The following SETD3 variants were observed in gnomAD, a reference collection of about 807,000 sequenced individuals.
SETD3 encodes the protein actin-histidine N-methyltransferase.
A neutral mutation model predicts 63.0 loss-of-function variants in SETD3; 19 were observed. The observed-to-expected ratio is 0.30, with a 90% CI of 0.21 to 0.44. The LOEUF (loss-of-function observed/expected upper bound fraction) is 0.44. Ranked by LOEUF, SETD3 falls within the 20% of genes least tolerant of loss-of-function variation. The pLI is 1.00. For synonymous variants in SETD3, 286 were observed against 264.1 expected, an observed-to-expected ratio of 1.08 and a Z score of -0.80; for missense variants, 587 against 728.5, an observed-to-expected ratio of 0.81 and a Z score of 2.24.
At chr14:99,433,351 AAC>A (rs764885059) in intron 6 of SETD3, among the ~76,000 whole-genome samples, 4 of 152,284 alleles carry the variant, frequency 2.6e-5, no homozygotes, top group East Asian at 1.9e-4. Context: ...AACTTATAAA[AAC>A]AGTGTAAAAT....
intron 6 of SETD3, among the ~76,000 whole-genome samples, chr14:99,429,867 G>C (rs963410691): frequency 1.3e-5 from 2 of 152,168 alleles, no homozygotes; most frequent in African/African-American, 4.8e-5. Flanking sequence ...ATATGCTTAA[G>C]GATTTATTTT....
intron 6 of SETD3, among the ~76,000 whole-genome samples, chr14:99,430,729 G>A (rs558730196): frequency 6.6e-6 from 1 of 152,180 alleles, no homozygotes; most frequent in Non-Finnish European, 1.5e-5. Flanking sequence ...ACTGAACCTG[G>A]CACTGCTGAG....
chr14:99,406,155 A>G (rs749637783), intron 9 of SETD3, among the ~76,000 whole-genome samples: 2 of 152,220 alleles, frequency 1.3e-5, no homozygotes, highest in Non-Finnish European at 2.9e-5. Context: ...AGTTCTAATC[A>G]GTAGAAAAAA....
chr14:99,425,343 GGCGCAT>G (rs1169718545), intron 6 of SETD3, among the ~76,000 whole-genome samples: 1 of 152,228 alleles, frequency 6.6e-6, no homozygotes, highest in Non-Finnish European at 1.5e-5. Context: ...CAAGGGGTTA[GGCGCAT>G]GCAAGAACAC....
intron 11 of SETD3, among the ~76,000 whole-genome samples, chr14:99,401,404 G>A (rs1891381064): frequency 6.6e-6 from 1 of 152,186 alleles, no homozygotes; most frequent in African/African-American, 2.4e-5. Flanking sequence ...GTCTCTTTCA[G>A]AGCAAAATGC....
At position 99,468,781 on chromosome 14, in the gene SETD3, ATTCC is replaced by A. The variant is rs1263308285; in HGVS notation, c.-8-2972_-8-2969del. Reference sequence around the variant, plus strand: ...ATCTTCTCTTCTCTGCACCTCTGCAATTCCTTGTATGTTCTCCCATTATTGCTGG... The same window carrying A: ...ATCTTCTCTTCTCTGCACCTCTGCAATTGTATGTTCTCCCATTATTGCTGG... On this transcript the variant is annotated intron_variant, in intron 1 of 12. Transcript: ENST00000331768. Among the ~76,000 whole-genome samples, 7 of 152,284 alleles carry A rather than the reference ATTCC, an allele frequency of 4.6e-5. No individual in the cohort carries two copies. The East Asian group carries it at 1.4e-3, about 29-fold the overall frequency.
chr14:99,400,590 T>G (rs961916767), intron 11 of SETD3, among the ~76,000 whole-genome samples: 1 of 152,308 alleles, frequency 6.6e-6, no homozygotes, highest in Non-Finnish European at 1.5e-5. Flanking sequence ...ATGTACCCCC[T>G]TATTTTGACA....
intron 10 of SETD3, 144 bp from the exon 11 acceptor site, chr14:99,404,454 T>C: frequency 1.5e-6 from 1 of 685,076 alleles, no homozygotes; most frequent in South Asian, 2.0e-5. Flanking sequence ...TCATCTCAAC[T>C]GTGAGCACGA....
At chr14:99,481,249 A>T, upstream of SETD3, 2 of 395,690 alleles carry the variant, frequency 5.1e-6, no homozygotes, top group African/African-American at 2.1e-5. Context: ...CTCTGTAAGC[A>T]GCAGCCACTG....
At chr14:99,449,923 C>T (rs1269529272) in intron 6 of SETD3, among the ~76,000 whole-genome samples, 1 of 152,138 alleles carries the variant, frequency 6.6e-6, no homozygotes, top group Non-Finnish European at 1.5e-5. Flanking sequence ...TTTCACATCC[C>T]CAGAAATACT....
intron 11 of SETD3, among the ~76,000 whole-genome samples, chr14:99,402,316 G>A (rs1475945347): frequency 2.0e-5 from 3 of 152,224 alleles, no homozygotes; most frequent in East Asian, 1.9e-4. Flanking sequence ...TGTCCTGCAC[G>A]TGGGCTCTGG....
At chr14:99,486,220 T>A in the SETD3 span, among the ~76,000 whole-genome samples, 1 of 152,232 alleles carries the variant, frequency 6.6e-6, no homozygotes, top group Non-Finnish European at 1.5e-5. Context: ...ATGGTTTGTT[T>A]TGCAACAAAG....
chr14:99,415,166 G>A (rs1207177090), intron 6 of SETD3, among the ~76,000 whole-genome samples: 2 of 152,206 alleles, frequency 1.3e-5, no homozygotes, highest in African/African-American at 4.8e-5. Flanking sequence ...GATCAACTGG[G>A]AACTTTGCAC....
chr14:99,446,831 G>C (rs1894155214), intron 6 of SETD3, among the ~76,000 whole-genome samples: 2 of 151,946 alleles, frequency 1.3e-5, no homozygotes, highest in Non-Finnish European at 2.9e-5. Flanking sequence ...AGATGCTGGG[G>C]TCTGACCTGG....
chr14:99,420,558 T>C (rs528188266), intron 6 of SETD3, among the ~76,000 whole-genome samples: 11 of 152,200 alleles, frequency 7.2e-5, no homozygotes, highest in African/African-American at 2.6e-4. Context: ...CTCCAGCCCA[T>C]GTGGGCACCC....
intron 9 of SETD3, 46 bp downstream of exon 9, chr14:99,406,470 G>C (rs372498008): frequency 6.5e-7 from 1 of 1,543,714 alleles, no homozygotes; most frequent in Non-Finnish European, 9.0e-7. Context: ...GTTAACGTTA[G>C]TGCCCACTGG....
At chr14:99,472,161 AG>A (rs1423608071) in intron 1 of SETD3, among the ~76,000 whole-genome samples, 1 of 152,376 alleles carries the variant, frequency 6.6e-6, no homozygotes, top group African/African-American at 2.4e-5. Context: ...CCAGGCCTGC[AG>A]TTCCCAAGGA....
At chr14:99,405,061 G>A (rs1166173601) in intron 10 of SETD3, 144 bp downstream of exon 10, 1 of 1,171,096 alleles carries the variant, frequency 8.5e-7, no homozygotes, top group East Asian at 2.5e-5. Context: ...GCGTCGCCAT[G>A]GCTTAAATTT....
Position 99,459,119 on chromosome 14 carries a change from C to A in SETD3, c.412G>T (p.Val138Leu), listed in dbSNP as rs990013459. Residue 138 changes from valine to leucine, a missense_variant, in exon 5 of 13, where the codon GTG becomes TTG. Transcript: ENST00000331768. ...LMTVESAKNS[V>L]LGPLYSQDRI... ...AGTCAGAAATTATTCTCACCCAACACTGAATTTTTAGCAGATTCAACAGTC... is the reference window on the plus strand; with the variant it reads ...AGTCAGAAATTATTCTCACCCAACAATGAATTTTTAGCAGATTCAACAGTC... The A allele has an allele frequency of 6.2e-7, 1 of 1,609,258 alleles. No individual in the cohort carries two copies. The highest frequency in any genetic ancestry group is 1.3e-5 in the African/African-American group (1 of 74,768).
Sources: allele counts gnomAD v4.1 joint callset (sites outside exome capture counted in the v4.1 genomes callset), GRCh38; gene constraint gnomAD v4.1.1; transcripts MANE v1.5; gene names NCBI Gene and HGNC (gene_info 2026-07-23, HGNC 2026-07-21).